PRKAA2: variants seen among roughly 807,000 people sequenced by gnomAD.
PRKAA2 encodes the protein protein kinase AMP-activated catalytic subunit alpha 2.
PRKAA2 carries 40 observed loss-of-function variants against 56.3 expected under a neutral mutation model. That is an observed-to-expected ratio of 0.71 (90% confidence interval 0.55 to 0.92). PRKAA2 has a LOEUF of 0.92. Ranked by LOEUF, PRKAA2 falls within the 40% of genes least tolerant of loss-of-function variation. The pLI is 0.00. For synonymous variants in PRKAA2, 214 were observed against 234.2 expected (o/e 0.91, Z 0.79); for missense variants, 542 against 686.9 (o/e 0.79, Z 2.36).
intron 3 of PRKAA2, 118 bp downstream of exon 3, chr1:56,691,605 A>G (rs1569776223): frequency 5.0e-6 from 3 of 600,420 alleles, no homozygotes; most frequent in Non-Finnish European, 5.3e-6. Flanking sequence ...GTAGTGCTCA[A>G]CTAAACATGT....
At position 56,692,503 on chromosome 1, in the gene PRKAA2, G is replaced by A; in HGVS notation, c.475+1G>A. ...ATGAATGCCAAGATAGCCGATTTCG[G>A]TATGTAACTCCAGGGTTGTTCAGAA... On this transcript the variant is annotated splice_donor_variant, in intron 4 of 8. Transcript: ENST00000371244. LOFTEE classifies it high-confidence loss of function. 6.2e-7 allele frequency: 1 copy of A among 1,613,682 alleles called. No individual in the cohort carries two copies. The highest frequency in any genetic ancestry group is 8.5e-7 in the Non-Finnish European group (1 of 1,179,842).
chr1:56,655,260 T>TCATATACA (rs1553146912), intron 1 of PRKAA2, among the ~76,000 whole-genome samples: 1 of 71,738 alleles, frequency 1.4e-5, no homozygotes, highest in African/African-American at 5.9e-5. Flanking sequence ...ATGTATGTAT[T>TCATATACA]TATATATCTA....
chr1:56,689,936 A>G (rs994054584), intron 2 of PRKAA2, among the ~76,000 whole-genome samples: 1 of 137,688 alleles, frequency 7.3e-6, no homozygotes, highest in East Asian at 2.2e-4. Flanking sequence ...ACACACACAC[A>G]CTCTTAATTT....
intron 1 of PRKAA2, among the ~76,000 whole-genome samples, chr1:56,646,329 G>C (rs1327650525): frequency 6.6e-6 from 1 of 152,148 alleles, no homozygotes; most frequent in Admixed American, 6.5e-5. Context: ...GTAAGGGAGA[G>C]AAAAAGTTTC....
intron 1 of PRKAA2, among the ~76,000 whole-genome samples, chr1:56,649,554 ATAGATAGT>A (rs1219639852): frequency 1.3e-5 from 2 of 152,182 alleles, no homozygotes; most frequent in African/African-American, 4.8e-5. Context: ...AGATAGATAG[ATAGATAGT>A]TAGATAAATG....
At chr1:56,653,477 C>A (rs1215051757) in intron 1 of PRKAA2, among the ~76,000 whole-genome samples, 1 of 152,022 alleles carries the variant, frequency 6.6e-6, no homozygotes. Context: ...ACTTAGAAGA[C>A]CTGGTGTGGA....
At chr1:56,645,544 G>C (rs1169141745) in intron 1 of PRKAA2, 63 bp downstream of exon 1, 15 of 1,388,972 alleles carry the variant, frequency 1.1e-5, no homozygotes, top group Non-Finnish European at 1.4e-5. Context: ...CGAGGGGAGA[G>C]GCGGGAGCCC....
intron 2 of PRKAA2, among the ~76,000 whole-genome samples, chr1:56,690,181 T>A (rs1229920444): frequency 6.6e-6 from 1 of 151,358 alleles, no homozygotes; most frequent in Non-Finnish European, 1.5e-5. Context: ...TTTTTTTTTT[T>A]GAAGCGGAGT....
chr1:56,706,852 G>A (rs1487367523), intron 8 of PRKAA2, among the ~76,000 whole-genome samples: 2 of 152,166 alleles, frequency 1.3e-5, no homozygotes, highest in Non-Finnish European at 2.9e-5. Context: ...TTTAGAGTTA[G>A]GGAAGTTGTT....
chr1:56,705,037 C>A (rs1408759269), intron 7 of PRKAA2, among the ~76,000 whole-genome samples: 1 of 152,094 alleles, frequency 6.6e-6, no homozygotes, highest in African/African-American at 2.4e-5. Context: ...TGCTCAATTT[C>A]ATTTGAGTTC....
intron 2 of PRKAA2, among the ~76,000 whole-genome samples, chr1:56,677,660 T>A (rs1300075354): frequency 0.015 from 2 of 136 alleles, no homozygotes; most frequent in Non-Finnish European, 0.026. Flanking sequence ...TTCTTTTCCT[T>A]TTTTTTTTTT....
At chr1:56,686,945 C>T (rs1180002899) in intron 2 of PRKAA2, among the ~76,000 whole-genome samples, 3 of 147,834 alleles carry the variant, frequency 2.0e-5, no homozygotes, top group Non-Finnish European at 4.4e-5. Context: ...AGTGCAATGG[C>T]GTGATCTCAG....
At chr1:56,703,837 C>T (rs1644313139) in intron 6 of PRKAA2, 134 bp from the exon 7 acceptor site, 1 of 960,562 alleles carries the variant, frequency 1.0e-6, no homozygotes, top group Non-Finnish European at 1.5e-6. Flanking sequence ...CTCAGGATCA[C>T]ATAGCTAGTA....
chr1:56,696,841 A>G (rs1457321609), intron 6 of PRKAA2, among the ~76,000 whole-genome samples: 1 of 151,832 alleles, frequency 6.6e-6, no homozygotes, highest in Non-Finnish European at 1.5e-5. Flanking sequence ...TATATCCCAC[A>G]CCTGTGTATA....
At chr1:56,705,399 TTTG>T (rs10624434) in intron 7 of PRKAA2, among the ~76,000 whole-genome samples, 3 of 151,322 alleles carry the variant, frequency 2.0e-5, no homozygotes, top group Non-Finnish European at 4.4e-5. Flanking sequence ...TTGTTTATTT[TTTG>T]TTGTTGTTGT....
In PRKAA2 at chr1:56,709,176, C is replaced by T. The variant is rs1169260148; in HGVS notation, c.*1463C>T. The T allele has an allele frequency of 6.6e-6, 1 of 152,052 alleles. No individual in the cohort carries two copies. Among genetic ancestry groups the T allele is most frequent in the Non-Finnish European group, 1.5e-5 (1 of 67,996 alleles). 9.4% of individuals were successfully genotyped at this position (152,052 alleles called of 1,614,324 possible). A position where few individuals can be genotyped will look rare whatever the true frequency, so the allele number is the denominator to read the frequency against. On this transcript the variant is annotated 3_prime_UTR_variant, in exon 9 of 9. Transcript: ENST00000371244. ...TCTTGAAAACAAAAAAATGACATTA[C>T]CTTGACAGGCTTCTCTTTGCCAAAA...
intron 2 of PRKAA2, among the ~76,000 whole-genome samples, chr1:56,683,805 G>A (rs1397363280): frequency 1.3e-5 from 2 of 152,110 alleles, no homozygotes; most frequent in African/African-American, 4.8e-5. Flanking sequence ...AATGATCTAG[G>A]AAGATTAGAG....
At chr1:56,686,502 T>C (rs1341262284) in intron 2 of PRKAA2, among the ~76,000 whole-genome samples, 3 of 152,168 alleles carry the variant, frequency 2.0e-5, no homozygotes, top group Admixed American at 6.5e-5. Flanking sequence ...CCCACAGTTC[T>C]GCAGGCTGTA....
intron 2 of PRKAA2, among the ~76,000 whole-genome samples, chr1:56,677,379 G>T (rs1644120620): frequency 6.6e-6 from 1 of 152,148 alleles, no homozygotes; most frequent in South Asian, 2.1e-4. Flanking sequence ...CCCACTGAGT[G>T]TCCACTTCCT....
Sources: gnomAD v4.1 joint callset for allele counts (sites outside exome capture counted in the v4.1 genomes callset) on GRCh38, gnomAD v4.1.1 for gene constraint, MANE v1.5 for transcripts, NCBI Gene and HGNC (gene_info 2026-07-23, HGNC 2026-07-21) for gene names.